Variants in POU2F1 observed in about 807,000 individuals in gnomAD.
POU2F1 encodes POU domain, class 2, transcription factor 1.
A neutral mutation model predicts 84.9 loss-of-function variants in POU2F1; 16 were observed. The ratio of observed to expected loss-of-function variants is 0.19; its 90% CI spans 0.13 to 0.29. The LOEUF is 0.29. Ranked by LOEUF, POU2F1 falls within the 10% of genes least tolerant of loss-of-function variation. The probability of loss-of-function intolerance (pLI) is 1.00; values close to 1 mark genes in which losing one functional copy is unlikely to be tolerated. For synonymous variants in POU2F1, 368 were observed against 368.3 expected, an observed-to-expected ratio of 1.00 and a Z score of 0.01; for missense variants, 738 against 942.6, an observed-to-expected ratio of 0.78 and a Z score of 2.84.
intron 1 of POU2F1, chr1:167,257,968 A>G (rs895786468): frequency 2.6e-5 from 4 of 151,666 alleles, no homozygotes; most frequent in Non-Finnish European, 5.9e-5. Flanking sequence ...TATTTTCTGT[A>G]GAGACAGGGT....
intron 1 of POU2F1, among the ~76,000 whole-genome samples, chr1:167,232,333 C>T (rs1649125862): frequency 6.6e-6 from 1 of 152,164 alleles, no homozygotes; most frequent in South Asian, 2.1e-4. Context: ...CTCCTAGTGA[C>T]ATTGTAATGA....
chr1:167,381,044 G>A (rs1430283668), intron 7 of POU2F1: 1 of 151,650 alleles, frequency 6.6e-6, no homozygotes, highest in Non-Finnish European at 1.5e-5. Flanking sequence ...TTTTGTTTGG[G>A]TTTTCATTGT....
chr1:167,374,252 C>T lies in POU2F1; in HGVS notation c.547C>T (p.Pro183Ser). The T allele has an allele frequency of 1.2e-6, 2 of 1,613,456 alleles. No individual in the cohort carries two copies. The highest frequency in any genetic ancestry group is 1.7e-6 in the Non-Finnish European group (2 of 1,179,780). Residue 183 changes from proline to serine, a missense_variant, in exon 6 of 16, where the codon CCC becomes TCC. Physicochemically the swap from Pro to Ser is moderately conservative, Grantham distance 74. Transcript: ENST00000367866. ...CACCATCTCCGCCTCTGCTGCCACG[C>T]CCATGACGCAGATCCCCCTGTCTCA... ...GATISASAATPMTQIPLSQPI... is the reference protein window; with the variant it reads ...GATISASAATSMTQIPLSQPI...
intron 1 of POU2F1, among the ~76,000 whole-genome samples, chr1:167,259,069 A>G (rs1053048026): frequency 1.3e-5 from 2 of 152,180 alleles, no homozygotes; most frequent in African/African-American, 2.4e-5. Flanking sequence ...TCGTGTATCT[A>G]TGACCAGCTG....
At chr1:167,294,172 CAAAAAAAA>C (rs60846607) in intron 1 of POU2F1, among the ~76,000 whole-genome samples, 398 of 30,958 alleles carry the variant, frequency 0.013, 1 homozygote, top group African/African-American at 0.024. Context: ...TACTAAAATA[CAAAAAAAA>C]AAAAAAAAAA....
At position 167,397,471 on chromosome 1, in the gene POU2F1, A is replaced by G. The variant is rs115120634; in HGVS notation, c.1130-523A>G. Among the ~76,000 whole-genome samples the G allele has an allele frequency of 6.7e-3, 1,024 of 152,270 alleles. 13 individuals carry two copies. The highest frequency in any genetic ancestry group is 0.024 in the African/African-American group (979 of 41,546). ...ATCCAAACATAGTGGTAATATTGTC[A>G]ACCATCCTAGCAGAAAGAATGCCAA... is the stretch of plus-strand genomic sequence containing the variant. On this transcript the variant is annotated intron_variant, in intron 10 of 15. Coordinates refer to ENST00000367866, the MANE Select transcript of POU2F1 (RefSeq NM_002697.4).
At chr1:167,298,358 TC>T (rs967754178) in intron 1 of POU2F1, among the ~76,000 whole-genome samples, 3 of 152,164 alleles carry the variant, frequency 2.0e-5, no homozygotes, top group African/African-American at 7.2e-5. Flanking sequence ...TAAAAAATGT[TC>T]CTTGAACATT....
chr1:167,229,479 A>G (rs1368688367), intron 1 of POU2F1, among the ~76,000 whole-genome samples: 1 of 152,226 alleles, frequency 6.6e-6, no homozygotes, highest in South Asian at 2.1e-4. Context: ...ATTTATGCTC[A>G]TGCCACTGTG....
At chr1:167,304,463 A>G (rs1408751334) in intron 1 of POU2F1, among the ~76,000 whole-genome samples, 1 of 152,194 alleles carries the variant, frequency 6.6e-6, no homozygotes, top group Non-Finnish European at 1.5e-5. Flanking sequence ...TAAACTGTTT[A>G]GCCTGCTTAT....
intron 1 of POU2F1, among the ~76,000 whole-genome samples, chr1:167,291,881 C>CT (rs981440648): frequency 9.9e-5 from 15 of 152,144 alleles, no homozygotes; most frequent in African/African-American, 3.1e-4. Context: ...AGTAACAACA[C>CT]TGTAGGTGCT....
At chr1:167,303,714 A>C (rs1258793713) in intron 1 of POU2F1, 1 of 152,030 alleles carries the variant, frequency 6.6e-6, no homozygotes, top group Non-Finnish European at 1.5e-5. Flanking sequence ...TAACTCTGAA[A>C]TTTGTTTGAT....
intron 9 of POU2F1, among the ~76,000 whole-genome samples, chr1:167,392,354 C>CAA (rs71572456): frequency 2.3e-5 from 2 of 88,522 alleles, no homozygotes; most frequent in South Asian, 7.5e-4. Flanking sequence ...GACTCTGTCT[C>CAA]AAAAAAAAAA....
chr1:167,414,552 T>C, intron 15 of POU2F1: 1 of 985,466 alleles, frequency 1.0e-6, no homozygotes, highest in Non-Finnish European at 1.2e-6. Context: ...GATTTAGGAA[T>C]GTTGCCAGAC....
intron 1 of POU2F1, among the ~76,000 whole-genome samples, chr1:167,234,953 A>G (rs1018401672): frequency 1.8e-4 from 27 of 152,264 alleles, no homozygotes; most frequent in African/African-American, 6.5e-4. Flanking sequence ...AAATTATGCA[A>G]AAAGGTGGAT....
chr1:167,291,631 G>T (rs1433385377), intron 1 of POU2F1, among the ~76,000 whole-genome samples: 1 of 152,042 alleles, frequency 6.6e-6, no homozygotes, highest in South Asian at 2.1e-4. Context: ...GATTCTAGGG[G>T]GTAGTCTATA....
At chr1:167,232,883 A>G (rs1486736802) in intron 1 of POU2F1, among the ~76,000 whole-genome samples, 6 of 151,694 alleles carry the variant, frequency 4.0e-5, no homozygotes, top group Non-Finnish European at 7.4e-5. Context: ...TAGTTAATTT[A>G]TTATTGAACA....
At chr1:167,240,970 C>T (rs1046464564) in intron 1 of POU2F1, among the ~76,000 whole-genome samples, 1 of 151,996 alleles carries the variant, frequency 6.6e-6, no homozygotes, top group African/African-American at 2.4e-5. Context: ...TGGAGAGACC[C>T]CGTCTCTGCT....
chr1:167,383,918 A>G lies in POU2F1; in HGVS notation c.780A>G (p.Leu260=). 6.2e-7 allele frequency: 1 copy of G among 1,613,700 alleles called. No homozygotes were observed. The highest frequency in any genetic ancestry group is 8.5e-7 in the Non-Finnish European group (1 of 1,179,788). ...QLPQQSQANL[L]QSQPSITLTS... is the part of the protein sequence containing the mutation. ...CTCAGCAAAGCCAAGCCAACCTCCT[A>G]CAGTCGCAGCCAAGCATCACCCTCA... The change falls in exon 8 of 16, where the codon CTA becomes CTG. Residue 260 remains leucine, a synonymous_variant. Transcript: ENST00000367866.
chr1:167,357,364 CCCCA>C (rs1659018793), intron 2 of POU2F1: 6 of 7,200 alleles, frequency 8.3e-4, no homozygotes, highest in Admixed American at 2.9e-3. Context: ...ACGCCTCCCC[CCCCA>C]CCCCCCCCCC....
Sources: allele counts gnomAD v4.1 joint callset (sites outside exome capture counted in the v4.1 genomes callset), GRCh38; gene constraint gnomAD v4.1.1; transcripts MANE v1.5; gene names NCBI Gene and HGNC (gene_info 2026-07-23, HGNC 2026-07-21).